MEGF11: variants seen among roughly 807,000 people sequenced by gnomAD.
MEGF11 encodes the protein multiple epidermal growth factor-like domains protein 11.
In MEGF11, 126 loss-of-function variants were observed where a neutral mutation model predicts 146.6. The observed-to-expected ratio is 0.86, with a 90% CI of 0.74 to 1.00. The LOEUF (loss-of-function observed/expected upper bound fraction) is 1.00, where lower values mean the gene tolerates loss of function less well. Ranked by LOEUF, MEGF11 falls within the 50% of genes least tolerant of loss-of-function variation. The pLI is 0.00. For synonymous variants in MEGF11, 532 were observed against 583.4 expected, an observed-to-expected ratio of 0.91 and a Z score of 1.27; for missense variants, 1,509 against 1,521.2, an observed-to-expected ratio of 0.99 and a Z score of 0.13.
At chr15:65,964,098 G>A (rs149853201) in intron 9 of MEGF11, among the ~76,000 whole-genome samples, 2 of 152,342 alleles carry the variant, frequency 1.3e-5, no homozygotes, top group Admixed American at 6.5e-5. Context: ...AAAGGGCTGT[G>A]GGGGCGTTCA....
At chr15:66,099,720 A>G (rs777926720) in intron 4 of MEGF11, among the ~76,000 whole-genome samples, 3 of 152,124 alleles carry the variant, frequency 2.0e-5, no homozygotes, top group Non-Finnish European at 2.9e-5. Context: ...CTTTCTTTTT[A>G]AAATGTTGCT....
At chr15:66,168,677 T>C (rs2090164414) in intron 1 of MEGF11, among the ~76,000 whole-genome samples, 1 of 152,178 alleles carries the variant, frequency 6.6e-6, no homozygotes, top group African/African-American at 2.4e-5. Context: ...TTAAAGAAGA[T>C]ACATTATTAA....
intron 13 of MEGF11, among the ~76,000 whole-genome samples, chr15:65,924,343 A>G (rs2079285597): frequency 1.4e-5 from 1 of 72,050 alleles, no homozygotes; most frequent in African/African-American, 5.5e-5. Context: ...TCTCTGGGAA[A>G]TGGTTGCGGG....
At position 65,919,186 on chromosome 15, in the gene MEGF11, G is replaced by A. The variant is rs189753088; in HGVS notation, c.1958-1092C>T. ...CTGAATCTACTCAGTGCCTCTCCTG[G>A]ACGTGATTGGTAGTTGAGACAAATA... On this transcript the variant is annotated intron_variant, in intron 15 of 25. Transcript: ENST00000395614. Among the ~76,000 whole-genome samples the A allele has an allele frequency of 5.9e-5, 9 of 152,336 alleles. No homozygotes were observed. In the East Asian group the frequency reaches 1.7e-3, roughly 29 times the overall value.
chr15:66,242,933 G>C (rs528763976), intron 1 of MEGF11, among the ~76,000 whole-genome samples: 28 of 152,274 alleles, frequency 1.8e-4, no homozygotes, highest in Admixed American at 5.9e-4. Flanking sequence ...GGGACACAAG[G>C]CTGAATTTTC....
At position 65,922,818 on chromosome 15, in the gene MEGF11, C is replaced by T; in HGVS notation, c.1822+5G>A. 6.2e-7 allele frequency: 1 copy of T among 1,613,732 alleles called. No homozygotes were observed. Among genetic ancestry groups the T allele is most frequent in the Non-Finnish European group, 8.5e-7 (1 of 1,179,796 alleles). On this transcript the variant is annotated splice_donor_5th_base_variant and intron_variant, in intron 14 of 25. Transcript: ENST00000395614. Reference sequence around the variant, plus strand: ...AGCTCTTCGGGGTCAGGGGATTAGCCTTACTTCTCTGGCATAAGGGTCCTC... The same window carrying T: ...AGCTCTTCGGGGTCAGGGGATTAGCTTTACTTCTCTGGCATAAGGGTCCTC...
chr15:66,238,102 G>A (rs1008145962), intron 1 of MEGF11, among the ~76,000 whole-genome samples: 2 of 152,146 alleles, frequency 1.3e-5, no homozygotes, highest in Non-Finnish European at 2.9e-5. Flanking sequence ...ATTGCTGGAG[G>A]GACTCTCAGC....
At chr15:66,027,314 T>C (rs1379930561) in intron 5 of MEGF11, among the ~76,000 whole-genome samples, 3 of 152,204 alleles carry the variant, frequency 2.0e-5, no homozygotes, top group Non-Finnish European at 4.4e-5. Context: ...TGTAAACAAC[T>C]TATCACCCTC....
At chr15:65,913,628 G>C in intron 20 of MEGF11, 109 bp downstream of exon 20, 2 of 935,876 alleles carry the variant, frequency 2.1e-6, no homozygotes, top group Non-Finnish European at 3.3e-6. Context: ...CTCTAGGGGA[G>C]ACTGAGCTTC....
chr15:66,020,099 G>T (rs908233289), intron 5 of MEGF11, among the ~76,000 whole-genome samples: 1 of 152,238 alleles, frequency 6.6e-6, no homozygotes, highest in Non-Finnish European at 1.5e-5. Flanking sequence ...TGGTCCTGTA[G>T]GAGGTTGATT....
At chr15:65,977,350 G>A (rs1195436464) in intron 7 of MEGF11, among the ~76,000 whole-genome samples, 1 of 152,120 alleles carries the variant, frequency 6.6e-6, no homozygotes, top group Non-Finnish European at 1.5e-5. Context: ...TGGACAGTGA[G>A]CTGTGGTTGG....
chr15:66,064,474 T>C (rs2085033256), intron 5 of MEGF11, among the ~76,000 whole-genome samples: 1 of 152,174 alleles, frequency 6.6e-6, no homozygotes, highest in African/African-American at 2.4e-5. Flanking sequence ...GGACAATTAA[T>C]GAATTAGGGC....
intron 5 of MEGF11, among the ~76,000 whole-genome samples, chr15:66,032,035 C>T (rs575445862): frequency 3.7e-4 from 57 of 152,196 alleles, no homozygotes; most frequent in Non-Finnish European, 7.2e-4. Context: ...ACTGTGCCTG[C>T]GAGGGATCTA....
chr15:65,982,246 C>T lies in MEGF11; in HGVS notation c.637G>A (p.Val213Ile), dbSNP rs764755239. The change falls in exon 6 of 26, where the codon GTC becomes ATC. Residue 213 changes from valine (V) to isoleucine (I), a missense_variant. By Grantham distance (29) the Val-to-Ile change is conservative (BLOSUM62 3). Transcript: ENST00000395614. The surrounding 1 kb of genome is among the most constrained non-coding windows in gnomAD (Gnocchi z 5.6). ...ECLCAPGYTG[V>I]YCEELCPPGS... is the part of the protein sequence containing the mutation. ...AGGTCCTGCCGCATGACTCACTAGA[C>T]GCCGGTGTAGCCAGGTGCGCAGAGG... The T allele has an allele frequency of 1.2e-5, 18 of 1,530,266 alleles. No individual in the cohort carries two copies. The highest frequency in any genetic ancestry group is 5.6e-5 in the African/African-American group (4 of 71,816). The allele number at this position is 1,530,266 out of a possible 1,614,324, so 94.8% of individuals were successfully genotyped here. A position where few individuals can be genotyped will look rare whatever the true frequency, so the allele number is the denominator to read the frequency against.
intron 17 of MEGF11, 128 bp from the exon 18 acceptor site, chr15:65,916,404 C>A: frequency 1.7e-6 from 2 of 1,182,854 alleles, no homozygotes; most frequent in East Asian, 2.6e-5. Context: ...AGACCCTGCA[C>A]CAGAGTTGTC....
intron 5 of MEGF11, among the ~76,000 whole-genome samples, chr15:66,041,253 G>C (rs2083963792): frequency 6.6e-6 from 1 of 152,216 alleles, no homozygotes; most frequent in African/African-American, 2.4e-5. Context: ...CTGGGCAAGA[G>C]ATAAACTGTG....
chr15:66,211,619 T>G (rs1452699508), intron 1 of MEGF11, among the ~76,000 whole-genome samples: 1 of 149,564 alleles, frequency 6.7e-6, no homozygotes, highest in African/African-American at 2.5e-5. Flanking sequence ...CCAGGAGGGG[T>G]GCTCCCAGGC....
intron 1 of MEGF11, among the ~76,000 whole-genome samples, chr15:66,135,621 T>C (rs535280893): frequency 2.0e-5 from 3 of 152,312 alleles, no homozygotes; most frequent in African/African-American, 7.2e-5. Flanking sequence ...TTGATGCTAA[T>C]GTCCCAGGAG....
At chr15:65,913,595 C>T (rs1333461006) in intron 20 of MEGF11, 142 bp downstream of exon 20, 1 of 730,614 alleles carries the variant, frequency 1.4e-6, no homozygotes, top group Admixed American at 2.4e-5. Context: ...TAGGTAGGCT[C>T]CTGCTCCCCA....
Sources: allele counts gnomAD v4.1 joint callset (sites outside exome capture counted in the v4.1 genomes callset), GRCh38; gene constraint gnomAD v4.1.1; non-coding constraint Gnocchi (gnomAD v3.1); transcripts MANE v1.5; gene names NCBI Gene and HGNC (gene_info 2026-07-23, HGNC 2026-07-21).